DDX10: variants seen among roughly 807,000 people sequenced by gnomAD.
DDX10 encodes DEAD-box helicase 10.
DDX10 carries 74 observed loss-of-function variants against 104.3 expected under a neutral mutation model. The observed-to-expected ratio is 0.71, with a 90% CI of 0.59 to 0.86. DDX10 has a LOEUF of 0.86. DDX10 is among the 40% of genes least tolerant of loss of function. The pLI is 0.00. For missense variants in DDX10, 952 were observed against 1,040.0 expected, an observed-to-expected ratio of 0.92 and a Z score of 1.16; for synonymous variants, 351 against 353.4, an observed-to-expected ratio of 0.99 and a Z score of 0.08.
intron 13 of DDX10, among the ~76,000 whole-genome samples, chr11:108,813,712 C>T (rs747093294): frequency 3.9e-5 from 6 of 152,048 alleles, no homozygotes; most frequent in African/African-American, 1.4e-4. Context: ...TAATATTTTG[C>T]GTCTAAGCTT....
intron 13 of DDX10, among the ~76,000 whole-genome samples, chr11:108,731,641 A>G (rs1256247610): frequency 1.3e-5 from 2 of 151,456 alleles, no homozygotes; most frequent in Non-Finnish European, 2.9e-5. Context: ...GACTCAAACC[A>G]TCCTCCTGCC....
At chr11:108,939,458 G>A (rs746917154) in intron 17 of DDX10, among the ~76,000 whole-genome samples, 3 of 152,232 alleles carry the variant, frequency 2.0e-5, no homozygotes, top group Non-Finnish European at 4.4e-5. Flanking sequence ...CTCTGAGGAA[G>A]CCCTGGATTC....
At chr11:108,833,282 AT>A (rs1398255899) in intron 13 of DDX10, among the ~76,000 whole-genome samples, 1 of 152,088 alleles carries the variant, frequency 6.6e-6, no homozygotes, top group African/African-American at 2.4e-5. Flanking sequence ...TATTCTGTGT[AT>A]TTTTTCTAAG....
chr11:108,719,638 A>G (rs909753705), intron 11 of DDX10, among the ~76,000 whole-genome samples, 159 bp from the exon 12 acceptor site: 1 of 152,186 alleles, frequency 6.6e-6, no homozygotes, highest in Non-Finnish European at 1.5e-5. Flanking sequence ...CAGTTCTAAA[A>G]GGTAGGTTTT....
intron 16 of DDX10, among the ~76,000 whole-genome samples, chr11:108,888,218 C>G (rs998020722): frequency 1.3e-5 from 2 of 152,000 alleles, no homozygotes; most frequent in Non-Finnish European, 2.9e-5. Context: ...ATAAAAAAAA[C>G]CTCTCTGTAT....
At chr11:108,892,828 C>T (rs1220291761) in intron 16 of DDX10, among the ~76,000 whole-genome samples, 2 of 152,104 alleles carry the variant, frequency 1.3e-5, no homozygotes, top group African/African-American at 2.4e-5. Flanking sequence ...TAACCTTGGA[C>T]TCAGAATTTA....
chr11:108,687,205 G>A (rs1232429666), intron 6 of DDX10, among the ~76,000 whole-genome samples: 1 of 152,232 alleles, frequency 6.6e-6, no homozygotes, highest in Non-Finnish European at 1.5e-5. Context: ...AGCGTTTGGT[G>A]TCGTCACTGT....
chr11:108,895,862 C>G (rs567129598), intron 16 of DDX10, among the ~76,000 whole-genome samples: 1 of 152,058 alleles, frequency 6.6e-6, no homozygotes, highest in Non-Finnish European at 1.5e-5. Context: ...AAGTTATCAG[C>G]CTGCTGCCCA....
chr11:108,931,566 A>G (rs1002626343), intron 17 of DDX10, among the ~76,000 whole-genome samples: 2 of 152,170 alleles, frequency 1.3e-5, no homozygotes, highest in African/African-American at 4.8e-5. Context: ...AAAAGTAGAT[A>G]TTTTTTACAT....
chr11:108,903,164 C>G (rs1863540715), intron 16 of DDX10, among the ~76,000 whole-genome samples: 1 of 152,090 alleles, frequency 6.6e-6, no homozygotes, highest in Admixed American at 6.6e-5. Flanking sequence ...TATCTAATTT[C>G]AGAACATTTT....
intron 13 of DDX10, among the ~76,000 whole-genome samples, chr11:108,750,727 T>A (rs1027591710): frequency 6.6e-6 from 1 of 151,250 alleles, no homozygotes; most frequent in African/African-American, 2.4e-5. Flanking sequence ...TATATGAATT[T>A]CATATATATT....
At chr11:108,816,047 CTT>C (rs200856925) in intron 13 of DDX10, among the ~76,000 whole-genome samples, 3 of 145,846 alleles carry the variant, frequency 2.1e-5, no homozygotes. Flanking sequence ...CTCCTAGCAA[CTT>C]TTTTTTTTTT....
chr11:108,808,361 G>A (rs1056052874), intron 13 of DDX10, among the ~76,000 whole-genome samples: 1 of 151,156 alleles, frequency 6.6e-6, no homozygotes, highest in Non-Finnish European at 1.5e-5. Context: ...GGGGGTGGGG[G>A]GAAATATTGG....
chr11:108,909,881 G>T (rs1047034644), intron 16 of DDX10, among the ~76,000 whole-genome samples: 2 of 152,172 alleles, frequency 1.3e-5, no homozygotes, highest in Admixed American at 1.3e-4. Flanking sequence ...TAGCATGCAC[G>T]AAGACTTGAG....
chr11:108,868,966 C>CTT (rs36048300), intron 16 of DDX10, among the ~76,000 whole-genome samples: 5,083 of 137,014 alleles, frequency 0.037, 230 homozygotes, highest in African/African-American at 0.1. Context: ...AAGAATTAAG[C>CTT]TTTTTTTTTT....
At chr11:108,836,752 G>A (rs751905685) in intron 13 of DDX10, among the ~76,000 whole-genome samples, 1 of 152,188 alleles carries the variant, frequency 6.6e-6, no homozygotes, top group Non-Finnish European at 1.5e-5. Flanking sequence ...GCCTGCCAAA[G>A]TGCTGGGATT....
At chr11:108,876,913 G>T (rs1443739311) in intron 16 of DDX10, among the ~76,000 whole-genome samples, 1 of 152,074 alleles carries the variant, frequency 6.6e-6, no homozygotes, top group Non-Finnish European at 1.5e-5. Flanking sequence ...TACTAGTAGT[G>T]TCCAGATAAA....
intron 3 of DDX10, 99 bp from the exon 4 acceptor site, chr11:108,676,986 C>G (rs1284054402): frequency 1.8e-6 from 2 of 1,112,650 alleles, no homozygotes; most frequent in African/African-American, 3.1e-5. Flanking sequence ...ATGCCTTCTG[C>G]TTGGAAGATC....
At chr11:108,752,162 G>C (rs1009336102) in intron 13 of DDX10, among the ~76,000 whole-genome samples, 1 of 152,216 alleles carries the variant, frequency 6.6e-6, no homozygotes, top group African/African-American at 2.4e-5. Flanking sequence ...GTGAAGTTAC[G>C]TCTTGAGGAT....
Sources: allele counts gnomAD v4.1 joint callset (sites outside exome capture counted in the v4.1 genomes callset), GRCh38; gene constraint gnomAD v4.1.1; transcripts MANE v1.5; gene names NCBI Gene and HGNC (gene_info 2026-07-23, HGNC 2026-07-21).